The following STPG2 variants were observed in gnomAD, a reference collection of about 807,000 sequenced individuals.
STPG2 encodes the protein sperm-tail PG-rich repeat-containing protein 2.
STPG2 carries 56 observed loss-of-function variants against 54.2 expected under a neutral mutation model. The observed-to-expected ratio is 1.03, with a 90% CI of 0.83 to 1.29. STPG2 has a LOEUF of 1.29. Among genes scored for constraint, STPG2 ranks in the 50% most tolerant of loss-of-function variants. The pLI, the probability that STPG2 is intolerant of heterozygous loss-of-function variation, is 0.00. For synonymous variants in STPG2, 200 were observed against 181.8 expected, an observed-to-expected ratio of 1.10 and a Z score of -0.81; for missense variants, 596 against 544.9, an observed-to-expected ratio of 1.09 and a Z score of -0.93.
At chr4:97,442,858 C>A (rs554130443) in intron 4 of STPG2, among the ~76,000 whole-genome samples, 2 of 152,002 alleles carry the variant, frequency 1.3e-5, no homozygotes, top group East Asian at 3.9e-4. Context: ...AGGGTGTGTG[C>A]TTTTTATAGA....
At chr4:97,850,175 A>T (rs1729105612) in intron 8 of STPG2, among the ~76,000 whole-genome samples, 1 of 148,746 alleles carries the variant, frequency 6.7e-6, no homozygotes, top group East Asian at 2.0e-4. Context: ...GCAAGAACAA[A>T]AAATCAAACA....
intron 4 of STPG2, among the ~76,000 whole-genome samples, chr4:97,484,735 A>C (rs546485346): frequency 7.7e-4 from 117 of 151,882 alleles, no homozygotes; most frequent in Admixed American, 7.2e-4. Context: ...CCTTAATACC[A>C]ACCAGGAAAG....
intron 9 of STPG2, among the ~76,000 whole-genome samples, chr4:97,809,943 A>G (rs930121498): frequency 1.3e-5 from 2 of 152,202 alleles, no homozygotes; most frequent in African/African-American, 4.8e-5. Context: ...TAAAAAAACT[A>G]ATACAATTGT....
chr4:97,959,022 C>G (rs970293946), intron 7 of STPG2, among the ~76,000 whole-genome samples: 1 of 151,862 alleles, frequency 6.6e-6, no homozygotes, highest in Non-Finnish European at 1.5e-5. Context: ...ATTACAAGCA[C>G]TCTTTCAGAC....
At position 97,492,631 on chromosome 4, in the gene STPG2, T is replaced by C. The variant is rs527625023; in HGVS notation, c.462+220068A>G. 1.5e-4 allele frequency among the ~76,000 whole-genome samples: 21 copies of C among 144,734 alleles called. No homozygotes were observed. In the South Asian group the frequency reaches 4.4e-3, roughly 30 times the overall value. 95.0% of individuals were successfully genotyped at this position (144,734 alleles called of 152,430 possible). The stretch of plus-strand genomic sequence containing the variant: ...TGAATTGTAGTCAGTTGAATGCTCA[T>C]TCAATGATAAAAACTTTTTTTTTTT... On this transcript the variant is annotated intron_variant, in intron 4 of 4. Coordinates refer to the STPG2 transcript ENST00000522676.
At chr4:97,747,910 G>A (rs1475481888) in intron 9 of STPG2, among the ~76,000 whole-genome samples, 1 of 151,474 alleles carries the variant, frequency 6.6e-6, no homozygotes, top group African/African-American at 2.4e-5. Context: ...ATATTTCCCA[G>A]CAGATCACTT....
At chr4:97,940,149 G>C (rs1487317947) in intron 8 of STPG2, among the ~76,000 whole-genome samples, 1 of 139,908 alleles carries the variant, frequency 7.1e-6, no homozygotes, top group Non-Finnish European at 1.7e-5. Context: ...GGTTTATAGG[G>C]TTTCAGCTGA....
At chr4:97,962,259 A>G (rs895557916) in intron 7 of STPG2, among the ~76,000 whole-genome samples, 2 of 152,110 alleles carry the variant, frequency 1.3e-5, no homozygotes, top group Admixed American at 6.6e-5. Context: ...GGTGCAGTGT[A>G]TATTGCTGGG....
chr4:97,592,704 A>G lies in STPG2; in HGVS notation c.1321-33587T>C, dbSNP rs564968021. ...AGGGCAAGGAAGCTGGGAACACACC[A>G]TGGGGCTACTGTGCACCAGAACTCG... On this transcript the variant is annotated intron_variant, in intron 10 of 10. Transcript: ENST00000295268. 3.3e-3 allele frequency among the ~76,000 whole-genome samples: 498 copies of G among 152,228 alleles called. 2 individuals carry two copies. The highest frequency in any genetic ancestry group is 5.7e-3 in the Non-Finnish European group (387 of 68,008).
intron 9 of STPG2, among the ~76,000 whole-genome samples, chr4:97,721,370 T>C (rs561630123): frequency 6.6e-6 from 1 of 152,132 alleles, no homozygotes; most frequent in Non-Finnish European, 1.5e-5. Context: ...AGATATATTG[T>C]GTGTCATAAG....
intron 9 of STPG2, among the ~76,000 whole-genome samples, chr4:97,799,631 C>G (rs1278975517): frequency 2.0e-5 from 3 of 152,248 alleles, no homozygotes; most frequent in East Asian, 3.9e-4. Context: ...TCCTCCATTT[C>G]AACTTTGGTG....
intron 9 of STPG2, among the ~76,000 whole-genome samples, chr4:97,729,304 C>A (rs1197905329): frequency 1.3e-5 from 2 of 151,976 alleles, no homozygotes; most frequent in East Asian, 3.9e-4. Context: ...ATAGAATGTA[C>A]TTGGTTGGTG....
intron 4 of STPG2, among the ~76,000 whole-genome samples, chr4:97,539,260 G>C (rs946208660): frequency 1.8e-4 from 28 of 152,280 alleles, no homozygotes; most frequent in South Asian, 1.0e-3. Flanking sequence ...ATTGGATAAA[G>C]AGTCAAGACC....
chr4:97,667,606 T>C (rs1204961812), intron 10 of STPG2, among the ~76,000 whole-genome samples: 2 of 152,202 alleles, frequency 1.3e-5, no homozygotes, highest in South Asian at 2.1e-4. Flanking sequence ...CACTTTAATA[T>C]GGCACAAAAA....
Position 97,589,947 on chromosome 4 carries a change from C to G in STPG2, c.1321-30830G>C, listed in dbSNP as rs1176495481. On this transcript the variant is annotated intron_variant, in intron 10 of 10. Transcript: ENST00000295268. ...ATACCATCTAAGTTTATTAAACCCT[C>G]TATGGTGTTTGTATAGTGGTGAAAT... 2.0e-5 allele frequency among the ~76,000 whole-genome samples: 3 copies of G among 152,204 alleles called. No individual in the cohort carries two copies. In the East Asian group the frequency reaches 5.8e-4, roughly 29 times the overall value.
chr4:98,130,272 T>C (rs1380481294), intron 2 of STPG2, among the ~76,000 whole-genome samples: 1 of 151,542 alleles, frequency 6.6e-6, no homozygotes, highest in Non-Finnish European at 1.5e-5. Context: ...GCCTCCCGGG[T>C]TCAAGTGATT....
rs371275928 is a variant in STPG2 at position 97,778,447 on chromosome 4, G to A, written c.1204+62326C>T. Among the ~76,000 whole-genome samples the A allele has an allele frequency of 3.9e-5, 6 of 152,280 alleles. No homozygotes were observed. The East Asian group carries it at 5.8e-4, about 15-fold the overall frequency. ...AACAGCAGCCAGGAAGCTTGTACTG[G>A]GTGGAGCCCACCTTAGCTCAAGGAG... On this transcript the variant is annotated intron_variant, in intron 9 of 10. Coordinates refer to ENST00000295268, the MANE Select transcript of STPG2 (RefSeq NM_174952.3).
chr4:97,766,259 G>GA (rs1160833312), intron 9 of STPG2, among the ~76,000 whole-genome samples: 3 of 152,026 alleles, frequency 2.0e-5, no homozygotes, highest in Admixed American at 1.3e-4. Context: ...CAACCATTGT[G>GA]AATAGTAATT....
At chr4:97,467,870 G>A in intron 4 of STPG2, among the ~76,000 whole-genome samples, 1 of 149,390 alleles carries the variant, frequency 6.7e-6, no homozygotes, top group Non-Finnish European at 1.5e-5. Flanking sequence ...AGATGGGATA[G>A]GACTCTACCT....
Sources: gnomAD v4.1 joint callset for allele counts (sites outside exome capture counted in the v4.1 genomes callset) on GRCh38, gnomAD v4.1.1 for gene constraint, MANE v1.5 for transcripts, NCBI Gene and HGNC (gene_info 2026-07-23, HGNC 2026-07-21) for gene names.